Variants in DLC1 observed in about 807,000 individuals in gnomAD.
The protein encoded by DLC1 is rho GTPase-activating protein 7.
In DLC1, 54 loss-of-function variants were observed where a neutral mutation model predicts 140.3. The observed-to-expected ratio is 0.38, with a 90% confidence interval of 0.31 to 0.48. The LOEUF (loss-of-function observed/expected upper bound fraction) is 0.48. Among genes scored for constraint, DLC1 ranks in the 20% least tolerant of loss-of-function variants. DLC1 has a pLI of 0.96. For synonymous variants in DLC1, 986 were observed against 728.1 expected (o/e 1.35, Z -5.70); for missense variants, 2,536 against 1,907.0 (o/e 1.33, Z -6.14).
At chr8:13,316,926 T>A (rs564215097) in intron 4 of DLC1, among the ~76,000 whole-genome samples, 1 of 151,626 alleles carries the variant, frequency 6.6e-6, no homozygotes, top group South Asian at 2.1e-4. Flanking sequence ...GGATTCTTAA[T>A]TGAATCTATT....
chr8:13,434,982 C>T (rs1303283950), intron 2 of DLC1, among the ~76,000 whole-genome samples: 1 of 152,022 alleles, frequency 6.6e-6, no homozygotes, highest in Non-Finnish European at 1.5e-5. Flanking sequence ...GGCTCACCCT[C>T]AAGCCTTATT....
intron 5 of DLC1, among the ~76,000 whole-genome samples, chr8:13,143,891 G>T (rs1182039272): frequency 6.6e-6 from 1 of 150,542 alleles, no homozygotes; most frequent in Admixed American, 6.7e-5. Context: ...TTTCAGCCCA[G>T]AGCTGTTTGA....
chr8:13,311,055 C>G (rs188097300), intron 4 of DLC1, among the ~76,000 whole-genome samples: 5 of 152,054 alleles, frequency 3.3e-5, no homozygotes, highest in African/African-American at 1.2e-4. Context: ...GGTTGTATTA[C>G]TCATAATACA....
intron 5 of DLC1, among the ~76,000 whole-genome samples, chr8:13,179,090 G>A (rs181243985): frequency 2.6e-5 from 4 of 152,304 alleles, no homozygotes; most frequent in African/African-American, 9.6e-5. Flanking sequence ...GCTACAGAAT[G>A]ATGAAAACAG....
chr8:13,410,197 A>T (rs916850831), intron 2 of DLC1, among the ~76,000 whole-genome samples: 1 of 152,188 alleles, frequency 6.6e-6, no homozygotes, highest in Non-Finnish European at 1.5e-5. Context: ...AATTAAAAAA[A>T]CCTCTTTTAA....
intron 2 of DLC1, among the ~76,000 whole-genome samples, chr8:13,480,959 A>C (rs1800703476): frequency 6.6e-6 from 1 of 152,172 alleles, no homozygotes; most frequent in Non-Finnish European, 1.5e-5. Flanking sequence ...GCAGTGTAGA[A>C]TATGGATTGA....
intron 1 of DLC1, among the ~76,000 whole-genome samples, chr8:13,570,498 G>A (rs879173935): frequency 1.6e-5 from 2 of 127,402 alleles, no homozygotes; most frequent in African/African-American, 3.1e-5. Context: ...TCCTGTGTCC[G>A]TGTGATCTCA....
intron 1 of DLC1, among the ~76,000 whole-genome samples, chr8:13,587,057 C>G (rs1031955967): frequency 6.9e-6 from 1 of 145,412 alleles, no homozygotes; most frequent in African/African-American, 2.6e-5. Flanking sequence ...ATAAAACAAG[C>G]TCCACTTGGG....
At chr8:13,237,377 A>C (rs1296246964) in intron 5 of DLC1, among the ~76,000 whole-genome samples, 3 of 151,372 alleles carry the variant, frequency 2.0e-5, no homozygotes, top group African/African-American at 7.3e-5. Flanking sequence ...CCACACACAC[A>C]GATATGTATT....
chr8:13,350,301 C>A (rs1234075787), intron 4 of DLC1, among the ~76,000 whole-genome samples: 2 of 150,530 alleles, frequency 1.3e-5, no homozygotes, highest in Non-Finnish European at 3.0e-5. Flanking sequence ...TCAGGTTTAT[C>A]ATTTTTTTTT....
chr8:13,367,565 A>G (rs958996575), intron 4 of DLC1, among the ~76,000 whole-genome samples: 1 of 152,174 alleles, frequency 6.6e-6, no homozygotes, highest in Non-Finnish European at 1.5e-5. Context: ...TAAGACAAAG[A>G]CGTGCTTATT....
chr8:13,329,339 A>G (rs1833495119), intron 4 of DLC1, among the ~76,000 whole-genome samples: 1 of 151,780 alleles, frequency 6.6e-6, no homozygotes. Flanking sequence ...GGTCCAGATC[A>G]TTGGGATGCA....
intron 4 of DLC1, among the ~76,000 whole-genome samples, chr8:13,364,156 T>C (rs1021216710): frequency 6.6e-6 from 1 of 152,138 alleles, no homozygotes; most frequent in African/African-American, 2.4e-5. Context: ...AAGAAGAAGA[T>C]TTCTTGTCCA....
intron 4 of DLC1, among the ~76,000 whole-genome samples, chr8:13,386,393 T>C (rs931896614): frequency 2.0e-5 from 3 of 152,042 alleles, no homozygotes; most frequent in African/African-American, 7.2e-5. Flanking sequence ...ATTATTTAAG[T>C]ATCATGTGTT....
intron 1 of DLC1, among the ~76,000 whole-genome samples, chr8:13,563,540 TAGG>T: frequency 2.0e-5 from 3 of 152,292 alleles, no homozygotes; most frequent in African/African-American, 7.2e-5. Flanking sequence ...CTTAGTCTCT[TAGG>T]AGAAGAGACT....
Position 13,185,171 on chromosome 8 carries a change from C to T in DLC1, c.1349-69514G>A, listed in dbSNP as rs1416752964. ...TTCTGTTGCTTGGTAGATCTTCCTC[C>T]ATCCCTTTATTTTGAGCCTATATGT... On this transcript the variant is annotated intron_variant, in intron 5 of 17. Transcript: ENST00000276297. 2.1e-5 allele frequency among the ~76,000 whole-genome samples: 3 copies of T among 143,732 alleles called. No homozygotes were observed. In the East Asian group the frequency reaches 6.1e-4, roughly 29 times the overall value. The allele number at this position is 143,732 out of a possible 152,430, so 94.3% of individuals were successfully genotyped here. A position where few individuals can be genotyped will look rare whatever the true frequency, so the allele number is the denominator to read the frequency against.
At chr8:13,221,859 A>T (rs1257089968) in intron 5 of DLC1, among the ~76,000 whole-genome samples, 1 of 144,478 alleles carries the variant, frequency 6.9e-6, no homozygotes, top group Admixed American at 7.1e-5. Flanking sequence ...ATATTAATAT[A>T]TTAATAAAAT....
chr8:13,237,561 C>G (rs936444339), intron 5 of DLC1, among the ~76,000 whole-genome samples: 1 of 151,920 alleles, frequency 6.6e-6, no homozygotes, highest in African/African-American at 2.4e-5. Flanking sequence ...CACCCATCAC[C>G]CCAGCAATGT....
At chr8:13,250,602 G>A (rs1829962425) in intron 5 of DLC1, among the ~76,000 whole-genome samples, 1 of 152,286 alleles carries the variant, frequency 6.6e-6, no homozygotes, top group African/African-American at 2.4e-5. Flanking sequence ...AATAAAGACT[G>A]AATAACGATA....
Sources: allele counts gnomAD v4.1 joint callset (sites outside exome capture counted in the v4.1 genomes callset), GRCh38; gene constraint gnomAD v4.1.1; transcripts MANE v1.5; gene names NCBI Gene and HGNC (gene_info 2026-07-23, HGNC 2026-07-21).